Variants in ANKLE2 observed in about 807,000 individuals in gnomAD.
ANKLE2 encodes ankyrin repeat and LEM domain containing 2, also known as ankyrin repeat and LEM domain-containing protein 2.
Under a neutral mutation model 84.2 loss-of-function variants are expected in ANKLE2, and 55 were observed. The ratio of observed to expected loss-of-function variants is 0.65; its 90% CI spans 0.53 to 0.82. The LOEUF is 0.82. Ranked by LOEUF, ANKLE2 falls within the 40% of genes least tolerant of loss-of-function variation. The pLI, the probability that ANKLE2 is intolerant of heterozygous loss-of-function variation, is 0.00. For missense variants in ANKLE2, 1,238 were observed against 1,201.9 expected, an observed-to-expected ratio of 1.03 and a Z score of -0.44; for synonymous variants, 551 against 486.1, an observed-to-expected ratio of 1.13 and a Z score of -1.76.
chr12:132,743,494 C>A lies in ANKLE2; in HGVS notation c.1231-218G>T, dbSNP rs2044173204. 6.6e-6 allele frequency among the ~76,000 whole-genome samples: 1 copy of A among 151,868 alleles called. No homozygotes were observed. The highest frequency in any genetic ancestry group is 6.5e-5 in the Admixed American group (1 of 15,274). ...ACCTGGGACTACAGGCACCCGCCAC[C>A]ACACCCAGCTATTTTTTTTTTTTTT... is the stretch of plus-strand genomic sequence containing the variant. On this transcript the variant is annotated intron_variant, in intron 5 of 12. Coordinates refer to ENST00000357997, the MANE Select transcript of ANKLE2 (RefSeq NM_015114.3). The surrounding 1 kb of genome is among the most constrained non-coding windows in gnomAD (Gnocchi z 4.1).
chr12:132,738,317 G>C (rs1336730311), intron 7 of ANKLE2: 2 of 152,274 alleles, frequency 1.3e-5, no homozygotes, highest in Non-Finnish European at 2.9e-5. Flanking sequence ...AGGAAGAGTA[G>C]TGTCTTCAGG....
chr12:132,756,896 A>G (rs1566039597), intron 1 of ANKLE2: 1 of 151,834 alleles, frequency 6.6e-6, no homozygotes, highest in Non-Finnish European at 1.5e-5. Context: ...GCACCACTAC[A>G]CTCCAGCCTG....
At chr12:132,733,622 G>A (rs192533842) in intron 10 of ANKLE2, among the ~76,000 whole-genome samples, 82 of 150,386 alleles carry the variant, frequency 5.5e-4, no homozygotes, top group Middle Eastern at 3.5e-3. Flanking sequence ...AATGCACCGT[G>A]TGAAGCTCTC....
At chr12:132,757,132 C>T (rs769800355) in intron 1 of ANKLE2, 1 of 152,210 alleles carries the variant, frequency 6.6e-6, no homozygotes, top group African/African-American at 2.4e-5. Flanking sequence ...ACAAAAAGGA[C>T]TGTGCACCAT....
intron 5 of ANKLE2, 116 bp downstream of exon 5, chr12:132,747,716 G>C: frequency 2.3e-6 from 3 of 1,315,036 alleles, no homozygotes; most frequent in Non-Finnish European, 3.1e-6. Context: ...TGTAATTGAT[G>C]TATCTTTTCC....
Position 132,743,211 on chromosome 12 carries a change from C to T in ANKLE2, c.1296G>A (p.Ser432=), listed in dbSNP as rs200282541. Residue 432 remains serine (S), a synonymous_variant, in exon 6 of 13, where the codon TCG becomes TCA. Transcript: ENST00000357997. The surrounding 1 kb of genome is among the most constrained non-coding windows in gnomAD (Gnocchi z 4.1). ...FGNADVVNVL[S]SHHLIVKNSR... is the part of the protein sequence containing the mutation. ...AGTTTTTTACAATCAAATGGTGTGA[C>T]GAAAGCACGTTGACTACATCTGCAT... 31 of 1,611,956 alleles carry T rather than the reference C, an allele frequency of 1.9e-5. No homozygotes were observed. Among genetic ancestry groups the T allele is most frequent in the African/African-American group, 2.7e-5 (2 of 74,868 alleles).
At chr12:132,752,623 C>A (rs1338304124) in intron 2 of ANKLE2, among the ~76,000 whole-genome samples, 1 of 152,096 alleles carries the variant, frequency 6.6e-6, no homozygotes, top group Non-Finnish European at 1.5e-5. Context: ...CCTGCCTCGG[C>A]CTCCCAAAGT....
chr12:132,746,981 T>C (rs1479455951), intron 5 of ANKLE2, among the ~76,000 whole-genome samples: 5 of 152,230 alleles, frequency 3.3e-5, no homozygotes, highest in Non-Finnish European at 7.3e-5. Context: ...GAAAAGCCTG[T>C]CTTTAGCACC....
rs754464109 is a variant in ANKLE2, at chr12:132,729,786, A to T, written c.2376T>A (p.Ser792Arg). The part of the protein sequence containing the change: ...QLGNGHRRTE[S>R]EMSARIAKMS... ...TTTTAGCGATCCTGGCTGACATTTC[A>T]CTTTCTGTCCTCCTGTGGCCATTCC... The change falls in exon 11 of 13, where the codon AGT (serine) becomes AGA (arginine). Residue 792 changes from serine to arginine, a missense_variant. Coordinates refer to ENST00000357997, the MANE Select transcript of ANKLE2 (RefSeq NM_015114.3). 1.2e-6 allele frequency: 2 copies of T among 1,612,624 alleles called. No homozygotes were observed. The highest frequency in any genetic ancestry group is 1.7e-6 in the Non-Finnish European group (2 of 1,179,682).
chr12:132,729,773 T>C lies in ANKLE2; in HGVS notation c.2389A>G (p.Arg797Gly). ...HRRTESEMSA[R>G]IAKMSLSPSS... Reference sequence around the variant, plus strand: ...GGACTCAAGGACATTTTAGCGATCCTGGCTGACATTTCACTTTCTGTCCTC... The same window carrying C: ...GGACTCAAGGACATTTTAGCGATCCCGGCTGACATTTCACTTTCTGTCCTC... The change falls in exon 11 of 13, where the codon AGG (arginine) becomes GGG (glycine). Residue 797 changes from arginine (R) to glycine (G), a missense_variant. Arg to Gly is a moderately radical substitution (Grantham distance 125, BLOSUM62 -2). Around this residue, in one of 3 missense-constraint regions of ANKLE2, gnomAD observed 802 missense variants for 774.5 expected, o/e 1.04. Transcript: ENST00000357997. The C allele has an allele frequency of 6.2e-7, 1 of 1,612,426 alleles. No individual in the cohort carries two copies. Among genetic ancestry groups the C allele is most frequent in the South Asian group, 1.1e-5 (1 of 91,022 alleles).
At chr12:132,744,827 C>T (rs2044201524) in intron 5 of ANKLE2, among the ~76,000 whole-genome samples, 1 of 152,128 alleles carries the variant, frequency 6.6e-6, no homozygotes, top group Non-Finnish European at 1.5e-5. Flanking sequence ...ACTACAGGTG[C>T]CCGCCACCAC....
At chr12:132,759,377 G>C (rs186209719) in intron 1 of ANKLE2, 29 of 152,206 alleles carry the variant, frequency 1.9e-4, no homozygotes, top group Non-Finnish European at 3.1e-4. Context: ...GTTTTCATTT[G>C]TCTAATAAAA....
intron 7 of ANKLE2, among the ~76,000 whole-genome samples, chr12:132,739,414 G>A (rs1006320415): frequency 3.3e-5 from 5 of 152,150 alleles, no homozygotes; most frequent in African/African-American, 1.2e-4. Context: ...TCCTATGTAT[G>A]TTGGCATTTT....
Position 132,730,109 on chromosome 12 carries a change from G to T in ANKLE2, c.2053C>A (p.Leu685Ile), listed in dbSNP as rs1399379785. The T allele has an allele frequency of 1.2e-6, 2 of 1,612,540 alleles. No homozygotes were observed. The highest frequency in any genetic ancestry group is 1.7e-6 in the Non-Finnish European group (2 of 1,179,762). ...CCTCCCGGCTCGGCGGCTTCTATGAGGTCTGCCTCCTGCTCCAAGGGGAAG... is the reference window on the plus strand; with the variant it reads ...CCTCCCGGCTCGGCGGCTTCTATGATGTCTGCCTCCTGCTCCAAGGGGAAG... ...SAFPLEQEAD[L>I]IEAAEPGGPH... The change falls in exon 11 of 13, where the codon CTC (leucine) becomes ATC (isoleucine). Residue 685 changes from leucine to isoleucine, a missense_variant. By Grantham distance (5) the Leu-to-Ile change is conservative (BLOSUM62 2). Coordinates refer to ENST00000357997, the MANE Select transcript of ANKLE2 (RefSeq NM_015114.3).
At chr12:132,741,755 GA>G in intron 6 of ANKLE2, 2 of 589,098 alleles carry the variant, frequency 3.4e-6, no homozygotes, top group Non-Finnish European at 6.4e-6. Context: ...GCAAGGAGAG[GA>G]AAAGGTACCA....
rs10781634 is a variant in ANKLE2, at chr12:132,730,003, C to A, written c.2159G>T (p.Arg720Leu). 1.9e-6 allele frequency: 3 copies of A among 1,612,974 alleles called. No individual in the cohort carries two copies. Among genetic ancestry groups the A allele is most frequent in the African/African-American group, 1.3e-5 (1 of 74,924 alleles). The part of the protein sequence containing the change: ...TLAGKRPKAP[R>L]GEEAHLPPVS... Reference sequence around the variant, plus strand: ...AGGTGGCAGATGGGCTTCCTCCCCACGGGGGGCCTTTGGTCTCTTGCCCGC... The same window carrying A: ...AGGTGGCAGATGGGCTTCCTCCCCAAGGGGGGCCTTTGGTCTCTTGCCCGC... The change falls in exon 11 of 13, where the codon CGT becomes CTT. Residue 720 changes from arginine (R) to leucine (L), a missense_variant. Transcript: ENST00000357997.
chr12:132,747,392 C>T (rs1372016480), intron 5 of ANKLE2, among the ~76,000 whole-genome samples: 2 of 151,088 alleles, frequency 1.3e-5, no homozygotes, highest in Non-Finnish European at 2.9e-5. Context: ...CAGGCAGCCT[C>T]TCTCTCTCTC....
At chr12:132,744,277 C>T (rs1261281063) in intron 5 of ANKLE2, among the ~76,000 whole-genome samples, 1 of 152,246 alleles carries the variant, frequency 6.6e-6, no homozygotes, top group Non-Finnish European at 1.5e-5. Context: ...CCACAGGCAG[C>T]TCCACTGCAC....
rs1194074451 is a variant in ANKLE2 at position 132,750,632 on chromosome 12, G to A, written c.847+11C>T. 4.3e-6 allele frequency: 7 copies of A among 1,613,586 alleles called. No homozygotes were observed. Among genetic ancestry groups the A allele is most frequent in the African/African-American group, 1.3e-5 (1 of 74,882 alleles). Reference sequence around the variant, plus strand: ...CAGGAACATCAAGATGTGAACGGCTGCATGATTTACCTTTCAACCTGTCAT... The same window carrying A: ...CAGGAACATCAAGATGTGAACGGCTACATGATTTACCTTTCAACCTGTCAT... On this transcript the variant is annotated intron_variant, in intron 3 of 12. Coordinates refer to ENST00000357997, the MANE Select transcript of ANKLE2 (RefSeq NM_015114.3).
Sources: allele counts gnomAD v4.1 joint callset (sites outside exome capture counted in the v4.1 genomes callset), GRCh38; gene constraint gnomAD v4.1.1; regional missense constraint gnomAD v4.1.1; non-coding constraint Gnocchi (gnomAD v3.1); transcripts MANE v1.5; gene names NCBI Gene and HGNC (gene_info 2026-07-23, HGNC 2026-07-21).